The following FOXL2NB variants were observed in gnomAD, a reference collection of about 807,000 sequenced individuals.
FOXL2NB encodes the protein FOXL2 neighbor protein.
A neutral mutation model predicts 7.4 loss-of-function variants in FOXL2NB; 10 were observed. That is an observed-to-expected ratio of 1.34 (90% CI 0.83 to 2.28). The LOEUF is 2.28. Ranked by LOEUF, FOXL2NB falls within the 30% of genes most tolerant of loss-of-function variation. FOXL2NB has a pLI of 0.00. For synonymous variants in FOXL2NB, 104 were observed against 105.3 expected, an observed-to-expected ratio of 0.99 and a Z score of 0.08; for missense variants, 228 against 233.9, an observed-to-expected ratio of 0.97 and a Z score of 0.17.
In FOXL2NB at chr3:138,950,649, C is replaced by A; in HGVS notation, c.*77C>A. 6.6e-7 allele frequency: 1 copy of A among 1,507,948 alleles called. No individual in the cohort carries two copies. Among genetic ancestry groups the A allele is most frequent in the African/African-American group, 1.4e-5 (1 of 71,852 alleles). 93.4% of individuals were successfully genotyped at this position (1,507,948 alleles called of 1,614,324 possible). A position where few individuals can be genotyped will look rare whatever the true frequency, so the allele number is the denominator to read the frequency against. On this transcript the variant is annotated 3_prime_UTR_variant, in exon 3 of 3. Coordinates refer to ENST00000383165, the MANE Select transcript of FOXL2NB (RefSeq NM_001040061.3). ...CGGCCCCTCACAGGGCCCTTTGCAC[C>A]CACACCTCAGGGACTCGGTGTCCCT...
rs5852928 is a variant in FOXL2NB, at chr3:138,949,391, C to CGTGTGT, written c.101-108_101-103dup. ...AAGAGCCTGTGTGTGTATGCATGTG[C>CGTGTGT]GTGTGTGTGTGTGTGTGTGTGTGTG... On this transcript the variant is annotated intron_variant, in intron 1 of 2. Transcript: ENST00000383165. This position sits in a 1 kb window ranked among gnomAD's most constrained non-coding sequence, Gnocchi z 4.5. 6.1e-3 allele frequency: 4,951 copies of CGTGTGT among 817,742 alleles called. 62 individuals carry two copies. The highest frequency in any genetic ancestry group is 0.048 in the African/African-American group (2,606 of 54,444). The allele number at this position is 817,742 out of a possible 1,614,324, so 50.7% of individuals were successfully genotyped here.
rs1936172460 is a variant in FOXL2NB, at chr3:138,953,398, T to G, written c.*2826T>G. The G allele has an allele frequency of 6.6e-6, 1 of 152,282 alleles. No individual in the cohort carries two copies. The highest frequency in any genetic ancestry group is 2.1e-4 in the South Asian group (1 of 4,838). 9.4% of individuals were successfully genotyped at this position (152,282 alleles called of 1,614,324 possible). A position where few individuals can be genotyped will look rare whatever the true frequency, so the allele number is the denominator to read the frequency against. ...ACACAGGATATTTGGTTTTCCATACTTGAGTTACTTCACTTAGTATAATGG... is the reference window on the plus strand; with the variant it reads ...ACACAGGATATTTGGTTTTCCATACGTGAGTTACTTCACTTAGTATAATGG... On this transcript the variant is annotated 3_prime_UTR_variant, in exon 3 of 3. Transcript: ENST00000383165.
chr3:138,949,391 CGTGTGTGTGTGT>C lies in FOXL2NB; in HGVS notation c.101-114_101-103del, dbSNP rs5852928. The C allele has an allele frequency of 7.3e-6, 6 of 818,016 alleles. No homozygotes were observed. Among genetic ancestry groups the C allele is most frequent in the Admixed American group, 2.5e-5 (1 of 40,040 alleles). The allele number at this position is 818,016 out of a possible 1,614,324, so 50.7% of individuals were successfully genotyped here. A position where few individuals can be genotyped will look rare whatever the true frequency, so the allele number is the denominator to read the frequency against. ...AAGAGCCTGTGTGTGTATGCATGTG[CGTGTGTGTGTGT>C]GTGTGTGTGTGTGTAGGGGTTGGGG... On this transcript the variant is annotated intron_variant, in intron 1 of 2. Coordinates refer to ENST00000383165, the MANE Select transcript of FOXL2NB (RefSeq NM_001040061.3). The surrounding 1 kb of genome is among the most constrained non-coding windows in gnomAD (Gnocchi z 4.5).
At chr3:138,950,025 A>G (rs759160528) in intron 2 of FOXL2NB, 32 of 704,688 alleles carry the variant, frequency 4.5e-5, no homozygotes, top group South Asian at 4.2e-4. Flanking sequence ...TGGGCTGGGC[A>G]GAACTCACTG....
In FOXL2NB at chr3:138,950,833, A is replaced by G; in HGVS notation, c.*261A>G. The G allele has an allele frequency of 7.6e-6, 4 of 525,270 alleles. No homozygotes were observed. Among genetic ancestry groups the G allele is most frequent in the Admixed American group, 3.8e-5 (1 of 26,246 alleles). 32.5% of individuals were successfully genotyped at this position (525,270 alleles called of 1,614,324 possible). On this transcript the variant is annotated 3_prime_UTR_variant, in exon 3 of 3. Coordinates refer to ENST00000383165, the MANE Select transcript of FOXL2NB (RefSeq NM_001040061.3). ...TGTTGGTGGAAAACATGTCAAGCCA[A>G]TGTGCAGACCCTAAGGCTTTTCACA...
chr3:138,952,115 C>G lies in FOXL2NB; in HGVS notation c.*1543C>G, dbSNP rs931729543. Reference sequence around the variant, plus strand: ...CAAGGACACCTCCCTAGTTCCCAGTCATGGTGAGGACCTGTCTGAAACATT... The same window carrying G: ...CAAGGACACCTCCCTAGTTCCCAGTGATGGTGAGGACCTGTCTGAAACATT... On this transcript the variant is annotated 3_prime_UTR_variant, in exon 3 of 3. Coordinates refer to ENST00000383165, the MANE Select transcript of FOXL2NB (RefSeq NM_001040061.3). 1 of 152,228 alleles carries G rather than the reference C, an allele frequency of 6.6e-6. No individual in the cohort carries two copies. Among genetic ancestry groups the G allele is most frequent in the African/African-American group, 2.4e-5 (1 of 41,452 alleles). The allele number at this position is 152,228 out of a possible 1,614,324, so 9.4% of individuals were successfully genotyped here.
intron 2 of FOXL2NB, 109 bp from the exon 3 acceptor site, chr3:138,950,156 C>G (rs959293981): frequency 1.0e-5 from 12 of 1,183,940 alleles, no homozygotes; most frequent in Admixed American, 7.8e-5. Flanking sequence ...GCCGATTGAG[C>G]GCAGTCTCAG....
rs764206072 is a variant in FOXL2NB at position 138,950,554 on chromosome 3, G to T, written c.510G>T (p.Lys170Asn). The change falls in exon 3 of 3, where the codon AAG (lysine) becomes AAT (asparagine). Residue 170 changes from lysine (K) to asparagine (N), a missense_variant. By Grantham distance (94) the Lys-to-Asn change is moderately conservative (BLOSUM62 0). Transcript: ENST00000383165. Reference sequence around the variant, plus strand: ...TGCGGTGCTTGGCTAGCAAAGGGAAGCTTCACTGTGTCTATTAGTACATCC... The same window carrying T: ...TGCGGTGCTTGGCTAGCAAAGGGAATCTTCACTGTGTCTATTAGTACATCC... ...WPLRCLASKG[K>N]LHCVY is the part of the protein sequence containing the mutation. The T allele has an allele frequency of 1.9e-6, 3 of 1,614,054 alleles. No homozygotes were observed. Among genetic ancestry groups the T allele is most frequent in the African/African-American group, 1.3e-5 (1 of 74,926 alleles).
intron 1 of FOXL2NB, among the ~76,000 whole-genome samples, chr3:138,948,595 C>T (rs1325833239): frequency 3.9e-5 from 6 of 152,164 alleles, no homozygotes; most frequent in Non-Finnish European, 8.8e-5. Context: ...TATAGCTGTG[C>T]ATTAGTGATT....
At position 138,949,422 on chromosome 3, in the gene FOXL2NB, G is replaced by C; in HGVS notation, c.101-98G>C. 1 of 1,375,212 alleles carries C rather than the reference G, an allele frequency of 7.3e-7. No individual in the cohort carries two copies. 85.2% of individuals were successfully genotyped at this position (1,375,212 alleles called of 1,614,324 possible). A position where few individuals can be genotyped will look rare whatever the true frequency, so the allele number is the denominator to read the frequency against. On this transcript the variant is annotated intron_variant, in intron 1 of 2. Transcript: ENST00000383165. The surrounding 1 kb of genome is among the most constrained non-coding windows in gnomAD (Gnocchi z 4.5). Reference sequence around the variant, plus strand: ...TGTGTGTGTGTGTGTGTGTGTAGGGGTTGGGGGCAAATGAAGGAGTTCCTC... The same window carrying C: ...TGTGTGTGTGTGTGTGTGTGTAGGGCTTGGGGGCAAATGAAGGAGTTCCTC...
In FOXL2NB at chr3:138,950,576, A is replaced by C; in HGVS notation, c.*4A>C. ...GAAGCTTCACTGTGTCTATTAGTAC[A>C]TCCCCATACACTCCACGCCTCAACA... On this transcript the variant is annotated 3_prime_UTR_variant, in exon 3 of 3. Transcript: ENST00000383165. The C allele has an allele frequency of 6.2e-7, 1 of 1,613,712 alleles. No individual in the cohort carries two copies. The highest frequency in any genetic ancestry group is 8.5e-7 in the Non-Finnish European group (1 of 1,179,936).
At chr3:138,950,200 T>C (rs767079189) in intron 2 of FOXL2NB, 65 bp from the exon 3 acceptor site, 1 of 1,571,632 alleles carries the variant, frequency 6.4e-7, no homozygotes, top group Non-Finnish European at 8.7e-7. Context: ...GCCCCGCGCC[T>C]CGGAGGTCCC....
At position 138,947,252 on chromosome 3, in the gene FOXL2NB, G is replaced by T; in HGVS notation, c.-113G>T. On this transcript the variant is annotated 5_prime_UTR_variant, in exon 1 of 3. Coordinates refer to ENST00000383165, the MANE Select transcript of FOXL2NB (RefSeq NM_001040061.3). This position sits in a 1 kb window ranked among gnomAD's most constrained non-coding sequence, Gnocchi z 5.2. ...CCAAGTCACTTTTTGTAAACGCCCC[G>T]CACAGCCTGGACCGGCCTGCCCCCG... is the stretch of plus-strand genomic sequence containing the variant. 1 of 829,826 alleles carries T rather than the reference G, an allele frequency of 1.2e-6. No homozygotes were observed. The highest frequency in any genetic ancestry group is 1.9e-6 in the Non-Finnish European group (1 of 534,496). 51.4% of individuals were successfully genotyped at this position (829,826 alleles called of 1,614,324 possible).
chr3:138,950,268 C>T lies in FOXL2NB; in HGVS notation c.224C>T (p.Pro75Leu), dbSNP rs770487946. ...ATACAGACGCTTTTCTCCCCAGGGC[C>T]GGGAATCCTGCAACAGCGGCAGAAG... ...VRHSKAQKTG[P>L]GILQQRQKPP... Residue 75 changes from proline (P) to leucine (L), a missense_variant, in exon 3 of 3, where the codon CCG becomes CTG. Coordinates refer to ENST00000383165, the MANE Select transcript of FOXL2NB (RefSeq NM_001040061.3). 2.5e-6 allele frequency: 4 copies of T among 1,603,534 alleles called. No individual in the cohort carries two copies. In the African/African-American group the frequency reaches 4.0e-5, roughly 16 times the overall value.
At chr3:138,948,677 T>G (rs1936046560) in intron 1 of FOXL2NB, among the ~76,000 whole-genome samples, 1 of 152,178 alleles carries the variant, frequency 6.6e-6, no homozygotes, top group South Asian at 2.1e-4. Flanking sequence ...CTCTGAGGGT[T>G]CTCCTGAAGC....
chr3:138,947,830 T>C lies in FOXL2NB; in HGVS notation c.100+366T>C. 9.7e-7 allele frequency: 1 copy of C among 1,030,884 alleles called. No individual in the cohort carries two copies. The highest frequency in any genetic ancestry group is 1.2e-6 in the Non-Finnish European group (1 of 859,474). 63.9% of individuals were successfully genotyped at this position (1,030,884 alleles called of 1,614,324 possible). ...GTTGGAGTGAAGGTTGGATGTGTGC[T>C]TTAACAGCACCAAGTAGATGCCCCT... On this transcript the variant is annotated intron_variant, in intron 1 of 2. Coordinates refer to ENST00000383165, the MANE Select transcript of FOXL2NB (RefSeq NM_001040061.3). This position sits in a 1 kb window ranked among gnomAD's most constrained non-coding sequence, Gnocchi z 5.2.
At position 138,950,726 on chromosome 3, in the gene FOXL2NB, A is replaced by G. The variant is rs1256599963; in HGVS notation, c.*154A>G. 3 of 732,004 alleles carry G rather than the reference A, an allele frequency of 4.1e-6. No homozygotes were observed. Among genetic ancestry groups the G allele is most frequent in the South Asian group, 3.5e-5 (2 of 56,518 alleles). 45.3% of individuals were successfully genotyped at this position (732,004 alleles called of 1,614,324 possible). On this transcript the variant is annotated 3_prime_UTR_variant, in exon 3 of 3. Transcript: ENST00000383165. ...CTTCTCTCTCCTTCTCCCTCTGTCA[A>G]CTCCAAATCCCCTCTAGTTCTCCCT...
rs1322695506 is a variant in FOXL2NB, at chr3:138,947,816, G to A, written c.100+352G>A. On this transcript the variant is annotated intron_variant, in intron 1 of 2. Transcript: ENST00000383165. This position sits in a 1 kb window ranked among gnomAD's most constrained non-coding sequence, Gnocchi z 5.2. ...ACTAATCCTACGGGGTTGGAGTGAAGGTTGGATGTGTGCTTTAACAGCACC... is the reference window on the plus strand; with the variant it reads ...ACTAATCCTACGGGGTTGGAGTGAAAGTTGGATGTGTGCTTTAACAGCACC... 2 of 1,050,624 alleles carry A rather than the reference G, an allele frequency of 1.9e-6. No individual in the cohort carries two copies. Among genetic ancestry groups the A allele is most frequent in the Non-Finnish European group, 2.3e-6 (2 of 871,936 alleles). 65.1% of individuals were successfully genotyped at this position (1,050,624 alleles called of 1,614,324 possible).
Position 138,947,349 on chromosome 3 carries a change from C to A in FOXL2NB, c.-16C>A. 6.5e-7 allele frequency: 1 copy of A among 1,540,666 alleles called. No individual in the cohort carries two copies. The highest frequency in any genetic ancestry group is 8.8e-7 in the Non-Finnish European group (1 of 1,141,090). ...TTGAAATCTGCCGGTACTCGCTCTG[C>A]GGGCTGGGCTGGGAGATGACGAGGA... On this transcript the variant is annotated 5_prime_UTR_variant, in exon 1 of 3. Transcript: ENST00000383165. This position sits in a 1 kb window ranked among gnomAD's most constrained non-coding sequence, Gnocchi z 5.2.
Sources: allele counts gnomAD v4.1 joint callset (sites outside exome capture counted in the v4.1 genomes callset), GRCh38; gene constraint gnomAD v4.1.1; non-coding constraint Gnocchi (gnomAD v3.1); transcripts MANE v1.5; gene names NCBI Gene and HGNC (gene_info 2026-07-23, HGNC 2026-07-21).